The following ZNF518A variants were observed in gnomAD, a reference collection of about 807,000 sequenced individuals.
The protein encoded by ZNF518A is zinc finger protein 518.
In ZNF518A, 47 loss-of-function variants were observed where a neutral mutation model predicts 102.7. That is an observed-to-expected ratio of 0.46 (90% confidence interval 0.36 to 0.58). The LOEUF (loss-of-function observed/expected upper bound fraction) is 0.58, where lower values mean the gene tolerates loss of function less well. Ranked by LOEUF, ZNF518A falls within the 20% of genes least tolerant of loss-of-function variation. The probability of loss-of-function intolerance (pLI) is 0.00; values close to 1 mark genes in which losing one functional copy is unlikely to be tolerated. For synonymous variants in ZNF518A, 652 were observed against 594.6 expected, an observed-to-expected ratio of 1.10 and a Z score of -1.40; for missense variants, 1,793 against 1,699.8, an observed-to-expected ratio of 1.05 and a Z score of -0.96.
downstream of ZNF518A, among the ~76,000 whole-genome samples, chr10:96,167,954 A>G (rs1167232710): frequency 1.2e-4 from 18 of 152,254 alleles, no homozygotes; most frequent in Non-Finnish European, 2.6e-4. Context: ...TTTCAGATTA[A>G]TCTCAACTTA....
chr10:96,184,176 A>T (rs1564804310), intron 1 of ZNF518A, among the ~76,000 whole-genome samples: 3 of 151,746 alleles, frequency 2.0e-5, no homozygotes, highest in African/African-American at 7.3e-5. Context: ...CCATCCCTTT[A>T]TTTTGAGCCT....
At chr10:96,175,447 T>C (rs1008465614) in intron 1 of ZNF518A, among the ~76,000 whole-genome samples, 5 of 152,166 alleles carry the variant, frequency 3.3e-5, no homozygotes, top group Admixed American at 1.3e-4. Context: ...ACTCTGTCAG[T>C]TGGGTCTTCT....
At chr10:96,147,053 A>G (rs2082204115) in intron 3 of ZNF518A, among the ~76,000 whole-genome samples, 1 of 152,250 alleles carries the variant, frequency 6.6e-6, no homozygotes, top group Admixed American at 6.5e-5. Context: ...TGGCAGGCTC[A>G]GAGTATAGAC....
intron 1 of ZNF518A, among the ~76,000 whole-genome samples, chr10:96,194,959 C>T (rs2083426925): frequency 1.3e-5 from 2 of 150,926 alleles, no homozygotes; most frequent in African/African-American, 2.4e-5. Flanking sequence ...TTAGTAGAGA[C>T]GGGGTTTCAC....
chr10:96,137,369 T>G (rs1471216827), intron 3 of ZNF518A, among the ~76,000 whole-genome samples: 2 of 152,204 alleles, frequency 1.3e-5, no homozygotes, highest in Admixed American at 6.5e-5. Flanking sequence ...AAACAACTCC[T>G]TTATCTTAAA....
rs181589250 is a variant in ZNF518A, at chr10:96,159,748, A to C, written c.3426A>C (p.Arg1142Ser). ...QPKKPEGTPQ[R>S]ILLKIFNPVL... is the part of the protein sequence containing the mutation. ...AGAAACCTGAAGGAACACCACAAAG[A>C]ATATTGCTGAAAATTTTTAACCCTG... is the stretch of plus-strand genomic sequence containing the variant. Residue 1142 changes from arginine (R) to serine (S), a missense_variant, in exon 6 of 6, where the codon AGA (arginine) becomes AGC (serine). Arg to Ser is a moderately radical substitution (Grantham distance 110). Coordinates refer to ENST00000316045, the MANE Select transcript of ZNF518A (RefSeq NM_001330736.2). 3.2e-5 allele frequency: 52 copies of C among 1,613,370 alleles called. 1 individual carries two copies. The Admixed American group carries it at 8.3e-4, about 26-fold the overall frequency.
intron 3 of ZNF518A, among the ~76,000 whole-genome samples, chr10:96,146,949 C>T (rs1554878723): frequency 6.6e-6 from 1 of 152,200 alleles, no homozygotes; most frequent in Non-Finnish European, 1.5e-5. Flanking sequence ...CTGGTTTTAG[C>T]TTCTCTGGAG....
Position 96,158,097 on chromosome 10 carries a change from G to T in ZNF518A, c.1775G>T (p.Gly592Val). The T allele has an allele frequency of 1.2e-6, 2 of 1,613,502 alleles. No individual in the cohort carries two copies. The highest frequency in any genetic ancestry group is 1.7e-6 in the Non-Finnish European group (2 of 1,179,712). ...ACTCAGAGTCACCCCGAGGTATTAG[G>T]TACCACCATTAAAAGTCCAGATAAA... is the stretch of plus-strand genomic sequence containing the variant. The part of the protein sequence containing the change: ...HLTQSHPEVL[G>V]TTIKSPDKVN... Residue 592 changes from glycine (G) to valine (V), a missense_variant, in exon 6 of 6, where the codon GGT becomes GTT. By Grantham distance (109) the Gly-to-Val change is moderately radical. Transcript: ENST00000316045.
chr10:96,182,773 T>C (rs1219693619), intron 1 of ZNF518A, among the ~76,000 whole-genome samples: 3 of 152,224 alleles, frequency 2.0e-5, no homozygotes, highest in African/African-American at 7.2e-5. Context: ...TCAAGGCTAT[T>C]GCTCTAAAAT....
chr10:96,191,921 G>A, intron 1 of ZNF518A: 1 of 1,610,378 alleles, frequency 6.2e-7, no homozygotes, highest in Non-Finnish European at 8.5e-7. Flanking sequence ...CTCAAAAGGA[G>A]AAACTTTGGG....
chr10:96,147,456 TTCTC>T (rs1434888699), intron 3 of ZNF518A, among the ~76,000 whole-genome samples: 4 of 152,162 alleles, frequency 2.6e-5, no homozygotes, highest in African/African-American at 9.7e-5. Flanking sequence ...TGTCATGTCT[TTCTC>T]TCTCTCTGTT....
rs1394664399 is a variant in ZNF518A at position 96,158,596 on chromosome 10, A to G, written c.2274A>G (p.Ser758=). 3 of 1,613,184 alleles carry G rather than the reference A, an allele frequency of 1.9e-6. No homozygotes were observed. Among genetic ancestry groups the G allele is most frequent in the Admixed American group, 1.7e-5 (1 of 59,852 alleles). Residue 758 remains serine, a synonymous_variant, in exon 6 of 6, where the codon TCA becomes TCG. Coordinates refer to ENST00000316045, the MANE Select transcript of ZNF518A (RefSeq NM_001330736.2). ...SKWEDFSNVD[S]PMMPRITSVF... The stretch of plus-strand genomic sequence containing the variant: ...GGGAAGACTTTTCTAATGTCGATTC[A>G]CCTATGATGCCTAGAATCACATCTG...
intron 1 of ZNF518A, among the ~76,000 whole-genome samples, chr10:96,186,235 C>G (rs782438206): frequency 6.6e-6 from 1 of 152,160 alleles, no homozygotes; most frequent in African/African-American, 2.4e-5. Flanking sequence ...GCACTCCAAC[C>G]AGTCGCAGTG....
At chr10:96,166,813 C>G (rs372045999), downstream of ZNF518A, among the ~76,000 whole-genome samples, 24 of 152,250 alleles carry the variant, frequency 1.6e-4, no homozygotes, top group African/African-American at 5.8e-4. Flanking sequence ...GATAAAACTA[C>G]AGACATCCCT....
chr10:96,203,859 C>A, intron 2 of ZNF518A: 1 of 426,588 alleles, frequency 2.3e-6, no homozygotes. Flanking sequence ...AAAATTGCCT[C>A]AAATATATTT....
chr10:96,191,876 T>A (rs2133907476), intron 1 of ZNF518A: 2 of 1,515,128 alleles, frequency 1.3e-6, no homozygotes, highest in Non-Finnish European at 1.8e-6. Context: ...TACTGGATGA[T>A]TCATAATCCA....
downstream of ZNF518A, chr10:96,204,666 C>T (rs782040366): frequency 3.8e-5 from 60 of 1,577,078 alleles, 1 homozygote; most frequent in Non-Finnish European, 4.2e-5. Context: ...TGTCTGTCCT[C>T]ATCCCAAAAC....
chr10:96,153,327 C>T (rs978165630), intron 3 of ZNF518A, among the ~76,000 whole-genome samples: 22 of 152,230 alleles, frequency 1.4e-4, no homozygotes, highest in Non-Finnish European at 2.8e-4. Flanking sequence ...ATCCTGGTCT[C>T]TGGAAACACC....
At chr10:96,187,725 A>G (rs1387645392) in intron 1 of ZNF518A, among the ~76,000 whole-genome samples, 3 of 152,188 alleles carry the variant, frequency 2.0e-5, no homozygotes, top group African/African-American at 7.2e-5. Flanking sequence ...CAGCTGCTAC[A>G]CATGTACTTC....
Sources: allele counts gnomAD v4.1 joint callset (sites outside exome capture counted in the v4.1 genomes callset), GRCh38; gene constraint gnomAD v4.1.1; transcripts MANE v1.5; gene names NCBI Gene and HGNC (gene_info 2026-07-23, HGNC 2026-07-21).